TBC1D19: variants seen among roughly 807,000 people sequenced by gnomAD.
TBC1D19 encodes TBC1 domain family, member 19.
In TBC1D19, 60 loss-of-function variants were observed where a neutral mutation model predicts 89.0. The observed-to-expected ratio is 0.67, with a 90% CI of 0.55 to 0.84. The LOEUF (loss-of-function observed/expected upper bound fraction) is 0.84. Ranked by LOEUF, TBC1D19 falls within the 40% of genes least tolerant of loss-of-function variation. TBC1D19 has a pLI of 0.00. For missense variants in TBC1D19, 500 were observed against 610.8 expected, an observed-to-expected ratio of 0.82 and a Z score of 1.91; for synonymous variants, 189 against 199.7, an observed-to-expected ratio of 0.95 and a Z score of 0.45.
intron 3 of TBC1D19, among the ~76,000 whole-genome samples, chr4:26,614,684 A>T (rs564147875): frequency 2.6e-5 from 4 of 151,820 alleles, no homozygotes; most frequent in Admixed American, 2.6e-4. Context: ...GAATTTTTTT[A>T]TTTTCTTTTT....
At chr4:26,614,257 T>G in intron 2 of TBC1D19, 151 bp from the exon 3 acceptor site, 1 of 542,858 alleles carries the variant, frequency 1.8e-6, no homozygotes, top group Non-Finnish European at 3.2e-6. Context: ...GAAATAATCT[T>G]TAATAACGCT....
intron 5 of TBC1D19, among the ~76,000 whole-genome samples, chr4:26,637,651 T>C (rs1374281555): frequency 6.6e-6 from 1 of 152,128 alleles, no homozygotes; most frequent in Non-Finnish European, 1.5e-5. Flanking sequence ...GGATTACAGA[T>C]GTGAGCCACT....
At chr4:26,703,564 T>C (rs949241659) in intron 13 of TBC1D19, among the ~76,000 whole-genome samples, 1 of 152,200 alleles carries the variant, frequency 6.6e-6, no homozygotes, top group Admixed American at 6.5e-5. Context: ...GCCGATTTAT[T>C]GGATTTTGTG....
chr4:26,852,297 T>C, the TBC1D19 span, among the ~76,000 whole-genome samples: 1 of 152,186 alleles, frequency 6.6e-6, no homozygotes, highest in East Asian at 1.9e-4. Flanking sequence ...CTCACACCTA[T>C]AATCCCAGCA....
intron 10 of TBC1D19, among the ~76,000 whole-genome samples, chr4:26,672,559 C>G (rs936624398): frequency 1.2e-4 from 19 of 152,096 alleles, no homozygotes; most frequent in African/African-American, 3.4e-4. Context: ...GGAATATGCT[C>G]CCGCATCAGG....
chr4:26,850,996 G>A, the TBC1D19 span, among the ~76,000 whole-genome samples: 1 of 152,180 alleles, frequency 6.6e-6, no homozygotes, highest in Non-Finnish European at 1.5e-5. Context: ...GAAACAAAAA[G>A]GGAAGGAAAG....
chr4:26,858,499 C>T, the TBC1D19 span: 1 of 152,356 alleles, frequency 6.6e-6, no homozygotes, highest in African/African-American at 2.4e-5. Context: ...GAAAGGTAAG[C>T]GATTGCCTCA....
chr4:26,687,642 A>C (rs892532918), intron 12 of TBC1D19, among the ~76,000 whole-genome samples: 1 of 152,170 alleles, frequency 6.6e-6, no homozygotes, highest in Non-Finnish European at 1.5e-5. Flanking sequence ...TTACTCACTC[A>C]TCAAATATGT....
chr4:26,736,793 G>T (rs1018087657), intron 16 of TBC1D19, among the ~76,000 whole-genome samples: 1 of 152,270 alleles, frequency 6.6e-6, no homozygotes, highest in Admixed American at 6.5e-5. Flanking sequence ...TTACATCAGA[G>T]CATTCAGTCA....
intron 16 of TBC1D19, among the ~76,000 whole-genome samples, chr4:26,736,898 A>G (rs991090901): frequency 6.6e-6 from 1 of 152,232 alleles, no homozygotes; most frequent in Non-Finnish European, 1.5e-5. Context: ...CAAGAAGCTT[A>G]TGAAGATTAG....
chr4:26,602,435 C>CTTTTTTTTTT (rs34004440), intron 1 of TBC1D19, among the ~76,000 whole-genome samples: 51 of 73,014 alleles, frequency 7.0e-4, no homozygotes, highest in Middle Eastern at 0.01. Context: ...CTATTGTATT[C>CTTTTTTTTTT]TTTTTTTTTT....
At chr4:26,777,938 C>T in the TBC1D19 span, among the ~76,000 whole-genome samples, 3 of 152,014 alleles carry the variant, frequency 2.0e-5, no homozygotes, top group East Asian at 1.9e-4. Flanking sequence ...CAGGGCGTGG[C>T]GGTACATGCC....
intron 4 of TBC1D19, among the ~76,000 whole-genome samples, chr4:26,630,276 G>A (rs1742727409): frequency 6.6e-6 from 1 of 151,860 alleles, no homozygotes; most frequent in Admixed American, 6.6e-5. Context: ...TTTACTTGAA[G>A]GCAACAATAA....
intron 18 of TBC1D19, among the ~76,000 whole-genome samples, chr4:26,747,899 A>G (rs1019843785): frequency 1.3e-5 from 2 of 152,242 alleles, no homozygotes; most frequent in Admixed American, 1.3e-4. Flanking sequence ...CTAATGTCTC[A>G]TAGCTTTAAA....
At chr4:26,789,267 G>T in the TBC1D19 span, among the ~76,000 whole-genome samples, 1 of 152,330 alleles carries the variant, frequency 6.6e-6, no homozygotes, top group South Asian at 2.1e-4. Context: ...CAGCCAGACT[G>T]CTCTTTCTAG....
At chr4:26,615,688 A>G (rs979554749) in intron 3 of TBC1D19, among the ~76,000 whole-genome samples, 11 of 152,176 alleles carry the variant, frequency 7.2e-5, no homozygotes, top group Admixed American at 6.6e-4. Flanking sequence ...GCTCAAATCC[A>G]TCTTCCCAGT....
chr4:26,669,137 C>T (rs1712064493), intron 9 of TBC1D19, among the ~76,000 whole-genome samples: 5 of 151,490 alleles, frequency 3.3e-5, no homozygotes, highest in Admixed American at 6.6e-5. Flanking sequence ...TCTGAGTGTA[C>T]GTAATAATGA....
chr4:26,672,308 G>T lies in TBC1D19; in HGVS notation c.703+121G>T. The T allele has an allele frequency of 2.6e-6, 2 of 777,454 alleles. 1 individual carries two copies. The highest frequency in any genetic ancestry group is 3.4e-5 in the South Asian group (2 of 58,624). The allele number at this position is 777,454 out of a possible 1,614,324, so 48.2% of individuals were successfully genotyped here. Reference sequence around the variant, plus strand: ...TGAAAAGTGAAAAACCTAAAGAGGGGTAATATTTAACCATGTAGATTACAT... The same window carrying T: ...TGAAAAGTGAAAAACCTAAAGAGGGTTAATATTTAACCATGTAGATTACAT... On this transcript the variant is annotated intron_variant, in intron 10 of 20. Coordinates refer to ENST00000264866, the MANE Select transcript of TBC1D19 (RefSeq NM_018317.4).
intron 1 of TBC1D19, among the ~76,000 whole-genome samples, chr4:26,603,166 T>G (rs2109987487): frequency 6.6e-6 from 1 of 152,330 alleles, no homozygotes; most frequent in Non-Finnish European, 1.5e-5. Context: ...AAATTAGTTT[T>G]GCAAAACTTG....
Sources: allele counts gnomAD v4.1 joint callset (sites outside exome capture counted in the v4.1 genomes callset), GRCh38; gene constraint gnomAD v4.1.1; transcripts MANE v1.5; gene names NCBI Gene and HGNC (gene_info 2026-07-23, HGNC 2026-07-21).